EPHA10: variants seen among roughly 807,000 people sequenced by gnomAD.
EPHA10 encodes the protein EPH receptor A10.
A neutral mutation model predicts 109.7 loss-of-function variants in EPHA10; 120 were observed. That is an observed-to-expected ratio of 1.09 (90% CI 0.94 to 1.27). The LOEUF is 1.27. Ranked by LOEUF, EPHA10 falls within the 50% of genes most tolerant of loss-of-function variation. The probability of loss-of-function intolerance (pLI) is 0.00; values close to 1 mark genes in which losing one functional copy is unlikely to be tolerated. For missense variants in EPHA10, 1,396 were observed against 1,411.1 expected (o/e 0.99, Z 0.17); for synonymous variants, 640 against 618.9 (o/e 1.03, Z -0.51).
intron 5 of EPHA10, among the ~76,000 whole-genome samples, chr1:37,740,003 AGGC>A (rs1646129116): frequency 6.6e-6 from 1 of 152,130 alleles, no homozygotes; most frequent in Non-Finnish European, 1.5e-5. Context: ...CTGAGACAGG[AGGC>A]TTGCCCAAGA....
chr1:37,753,162 C>A lies in EPHA10; in HGVS notation c.1071G>T (p.Leu357=), dbSNP rs1283451102. 6 of 1,408,324 alleles carry A rather than the reference C, an allele frequency of 4.3e-6. No individual in the cohort carries two copies. The highest frequency in any genetic ancestry group is 4.6e-6 in the Non-Finnish European group (5 of 1,081,774). The allele number at this position is 1,408,324 out of a possible 1,614,324, so 87.2% of individuals were successfully genotyped here. Residue 357 remains leucine (L), a synonymous_variant, in exon 5 of 17, where the codon CTG becomes CTT. Coordinates refer to ENST00000373048, the MANE Select transcript of EPHA10 (RefSeq NM_001099439.2). ...SLSRSPLVLR[L]RWLPPADSGG... is the part of the protein sequence containing the mutation. ...CCGAGTCGGCCGGCGGCAGCCAGCG[C>A]AGTCGCAGCACCAGCGGCGAGCGGC...
chr1:37,752,995 A>G lies in EPHA10; in HGVS notation c.1238T>C (p.Leu413Pro). 2 of 1,237,670 alleles carry G rather than the reference A, an allele frequency of 1.6e-6. No individual in the cohort carries two copies. The highest frequency in any genetic ancestry group is 2.0e-6 in the Non-Finnish European group (2 of 991,566). 76.7% of individuals were successfully genotyped at this position (1,237,670 alleles called of 1,614,324 possible). A position where few individuals can be genotyped will look rare whatever the true frequency, so the allele number is the denominator to read the frequency against. The change falls in exon 5 of 17, where the codon CTG (leucine) becomes CCG (proline). Residue 413 changes from leucine to proline, a missense_variant. Physicochemically the swap from Leu to Pro is moderately conservative, Grantham distance 98. Coordinates refer to ENST00000373048, the MANE Select transcript of EPHA10 (RefSeq NM_001099439.2). ...GTAGCGCGCGCCGGGCCGCAGGTGC[A>G]GCAGCGTGGCGGCTCGCTCCCGCAG... Reference protein sequence around the residue: ...AGLRERAATLLHLRPGARYTV... With the variant: ...AGLRERAATLPHLRPGARYTV...
intron 5 of EPHA10, among the ~76,000 whole-genome samples, chr1:37,749,689 T>C (rs1646294321): frequency 6.6e-6 from 1 of 151,888 alleles, no homozygotes; most frequent in Non-Finnish European, 1.5e-5. Context: ...AAAAAAAAGA[T>C]TGTTAATGTA....
Position 37,720,410 on chromosome 1 carries a change from T to C in EPHA10, c.2353A>G (p.Lys785Glu), listed in dbSNP as rs1224588627. 1 of 1,613,400 alleles carries C rather than the reference T, an allele frequency of 6.2e-7. No individual in the cohort carries two copies. The highest frequency in any genetic ancestry group is 8.5e-7 in the Non-Finnish European group (1 of 1,179,992). Residue 785 changes from lysine (K) to glutamate (E), a missense_variant, in exon 13 of 17, where the codon AAG becomes GAG. Physicochemically the swap from Lys to Glu is moderately conservative, Grantham distance 56. Transcript: ENST00000373048. Reference protein sequence around the residue: ...HVLVSSDLVCKISGFGRGPRD... With the variant: ...HVLVSSDLVCEISGFGRGPRD... ...GGGCCCCGCCCGAAGCCAGAGATCT[T>C]GCAGACAAGGTCGCTGCTGACCAGC...
chr1:37,717,271 C>G lies in EPHA10; in HGVS notation c.*1101G>C, dbSNP rs1645707813. On this transcript the variant is annotated 3_prime_UTR_variant, in exon 17 of 17. Coordinates refer to ENST00000373048, the MANE Select transcript of EPHA10 (RefSeq NM_001099439.2). ...GAGCAGGGAGGGGCTCCATGGAAGG[C>G]TGGGTAGTGCCCAAGGCACGGAGCT... 1 of 232,970 alleles carries G rather than the reference C, an allele frequency of 4.3e-6. No homozygotes were observed. The highest frequency in any genetic ancestry group is 5.6e-5 in the Admixed American group (1 of 17,768). 14.4% of individuals were successfully genotyped at this position (232,970 alleles called of 1,614,324 possible). A position where few individuals can be genotyped will look rare whatever the true frequency, so the allele number is the denominator to read the frequency against.
intron 5 of EPHA10, among the ~76,000 whole-genome samples, chr1:37,741,664 C>T (rs148408444): frequency 0.014 from 2,149 of 152,128 alleles, 19 homozygotes; most frequent in Non-Finnish European, 0.021. Flanking sequence ...TTGTAATGAA[C>T]CCCTAGGCTA....
At chr1:37,718,926 C>T (rs1018395523) in intron 15 of EPHA10, 110 bp from the exon 16 acceptor site, 12 of 1,408,772 alleles carry the variant, frequency 8.5e-6, no homozygotes, top group Admixed American at 5.1e-5. Flanking sequence ...GGAGGGTAAC[C>T]GGGCCCCAGG....
Position 37,765,038 on chromosome 1 carries a change from A to T in EPHA10, c.29T>A (p.Leu10Gln). 6.2e-7 allele frequency: 1 copy of T among 1,608,476 alleles called. No homozygotes were observed. Among genetic ancestry groups the T allele is most frequent in the Non-Finnish European group, 8.5e-7 (1 of 1,178,822 alleles). ...CTGCATCCGGCAGAGGAAGAGGCGC[A>T]GCGGGTGTGGACCGGCGCAGGTCTC... METCAGPHPLRLFLCRMQLC... is the reference protein window; with the variant it reads METCAGPHPQRLFLCRMQLC... Residue 10 changes from leucine to glutamine, a missense_variant, in exon 1 of 17, where the codon CTG (leucine) becomes CAG (glutamine). Physicochemically the swap from Leu to Gln is moderately radical, Grantham distance 113. Transcript: ENST00000373048.
chr1:37,753,132 G>C lies in EPHA10; in HGVS notation c.1101C>G (p.Gly367=). The C allele has an allele frequency of 7.1e-7, 1 of 1,406,350 alleles. No individual in the cohort carries two copies. Among genetic ancestry groups the C allele is most frequent in the Non-Finnish European group, 9.3e-7 (1 of 1,079,584 alleles). The allele number at this position is 1,406,350 out of a possible 1,614,324, so 87.1% of individuals were successfully genotyped here. Residue 367 remains glycine, a synonymous_variant, in exon 5 of 17, where the codon GGC becomes GGG. Transcript: ENST00000373048. ...LRWLPPADSG[G]RSDVTYSLLC... is the part of the protein sequence containing the mutation. ...GCAGCGAGTAGGTGACGTCCGAGCG[G>C]CCTCCCGAGTCGGCCGGCGGCAGCC...
intron 5 of EPHA10, among the ~76,000 whole-genome samples, chr1:37,743,327 C>T (rs1646183719): frequency 6.6e-6 from 1 of 152,042 alleles, no homozygotes; most frequent in African/African-American, 2.4e-5. Context: ...CCTCCACCAA[C>T]TATGTACAGA....
At chr1:37,732,612 G>A (rs1646002935) in intron 6 of EPHA10, among the ~76,000 whole-genome samples, 1 of 152,178 alleles carries the variant, frequency 6.6e-6, no homozygotes, top group Non-Finnish European at 1.5e-5. Flanking sequence ...CCACAAGGTA[G>A]GGCAGGCTAG....
At chr1:37,731,294 C>T (rs1645977255) in intron 7 of EPHA10, 117 bp downstream of exon 7, 3 of 1,133,666 alleles carry the variant, frequency 2.6e-6, no homozygotes, top group Non-Finnish European at 3.7e-6. Flanking sequence ...GTTCTGCAGG[C>T]TCCCTTCATT....
intron 7 of EPHA10, among the ~76,000 whole-genome samples, chr1:37,729,907 C>T (rs1349263501): frequency 6.6e-6 from 1 of 151,886 alleles, no homozygotes; most frequent in African/African-American, 2.4e-5. Context: ...GGAGACACAG[C>T]TCATGGGAAA....
At chr1:37,722,902 G>C (rs72659469) in intron 10 of EPHA10, 139 bp downstream of exon 10, 2 of 1,308,064 alleles carry the variant, frequency 1.5e-6, no homozygotes, top group South Asian at 2.4e-5. Context: ...GCTTGGTGTG[G>C]AGGCAGGGCT....
At chr1:37,751,953 T>C (rs1036806239) in intron 5 of EPHA10, among the ~76,000 whole-genome samples, 5 of 151,886 alleles carry the variant, frequency 3.3e-5, no homozygotes, top group Non-Finnish European at 7.4e-5. Context: ...CGTGTACATG[T>C]CATATGTCCA....
intron 5 of EPHA10, among the ~76,000 whole-genome samples, chr1:37,741,813 T>C (rs1378583565): frequency 6.7e-6 from 1 of 150,032 alleles, no homozygotes; most frequent in Non-Finnish European, 1.5e-5. Flanking sequence ...GCCAGCACTC[T>C]ACTGCAGAGC....
rs477505 is a variant in EPHA10 at position 37,756,007 on chromosome 1, T to C, written c.851-1637A>G. Among the ~76,000 whole-genome samples, 217 of 152,316 alleles carry C rather than the reference T, an allele frequency of 1.4e-3. 1 individual carries two copies. Among genetic ancestry groups the C allele is most frequent in the African/African-American group, 4.9e-3 (203 of 41,572 alleles). On this transcript the variant is annotated intron_variant, in intron 3 of 16. Transcript: ENST00000373048. ...GGAGGGGACTAGGATTTCCACTGTC[T>C]GGAAGGCATAGGTTTGAGAGGGTCC...
intron 8 of EPHA10, among the ~76,000 whole-genome samples, chr1:37,723,991 C>T (rs929751600): frequency 1.6e-4 from 25 of 152,248 alleles, no homozygotes; most frequent in Non-Finnish European, 4.4e-5. Context: ...AAGACTTTGG[C>T]TTTTATTCTG....
At chr1:37,748,335 G>A (rs1231375464) in intron 5 of EPHA10, among the ~76,000 whole-genome samples, 2 of 152,174 alleles carry the variant, frequency 1.3e-5, no homozygotes, top group East Asian at 3.9e-4. Flanking sequence ...TTCCAGCCTG[G>A]GCGACAGAGA....
Sources: allele counts gnomAD v4.1 joint callset (sites outside exome capture counted in the v4.1 genomes callset), GRCh38; gene constraint gnomAD v4.1.1; transcripts MANE v1.5; gene names NCBI Gene and HGNC (gene_info 2026-07-23, HGNC 2026-07-21).